Variants in WDFY3 observed in about 807,000 individuals in gnomAD.
WDFY3 encodes WD repeat and FYVE domain-containing protein 3.
WDFY3 carries 66 observed loss-of-function variants against 409.6 expected under a neutral mutation model. The observed-to-expected ratio is 0.16, with a 90% CI of 0.13 to 0.20. WDFY3 has a LOEUF of 0.20. WDFY3 is among the 10% of genes least tolerant of loss of function. The pLI, the probability that WDFY3 is intolerant of heterozygous loss-of-function variation, is 1.00. For missense variants in WDFY3, 3,031 were observed against 4,298.1 expected (o/e 0.71, Z 8.24); for synonymous variants, 1,521 against 1,537.1 (o/e 0.99, Z 0.25).
chr4:84,673,952 C>T (rs1226379682), intron 67 of WDFY3, among the ~76,000 whole-genome samples: 1 of 151,962 alleles, frequency 6.6e-6, no homozygotes, highest in Non-Finnish European at 1.5e-5. Flanking sequence ...CATTAATCTA[C>T]CAGTAAAAAT....
chr4:84,893,381 C>G (rs1391225966), intron 3 of WDFY3, among the ~76,000 whole-genome samples: 1 of 152,204 alleles, frequency 6.6e-6, no homozygotes, highest in Admixed American at 6.5e-5. Context: ...TGTTTGGCAG[C>G]TCTTCTCATA....
At chr4:84,832,830 T>C (rs1048238248) in intron 7 of WDFY3, among the ~76,000 whole-genome samples, 1 of 152,146 alleles carries the variant, frequency 6.6e-6, no homozygotes, top group African/African-American at 2.4e-5. Context: ...AAGTCAACAT[T>C]TTATTTTTCT....
intron 4 of WDFY3, 95 bp from the exon 5 acceptor site, chr4:84,850,120 C>A (rs570809362): frequency 4.4e-6 from 6 of 1,370,442 alleles, no homozygotes; most frequent in Non-Finnish European, 2.0e-6. Flanking sequence ...AAAATCAAGT[C>A]CAGAAAAGTC....
chr4:84,677,792 G>A (rs759364339), intron 66 of WDFY3, among the ~76,000 whole-genome samples: 4 of 151,426 alleles, frequency 2.6e-5, no homozygotes, highest in Non-Finnish European at 2.9e-5. Context: ...GTAAAACCCC[G>A]TCTCTATAAA....
Position 84,850,926 on chromosome 4 carries a change from C to CTTTTTTT in WDFY3, c.181-902_181-901insAAAAAAA, listed in dbSNP as rs781440189. 4.2e-3 allele frequency among the ~76,000 whole-genome samples: 135 copies of CTTTTTTT among 32,146 alleles called. 12 individuals are homozygous for CTTTTTTT. The highest frequency in any genetic ancestry group is 5.6e-3 in the Admixed American group (15 of 2,700). 21.1% of individuals were successfully genotyped at this position (32,146 alleles called of 152,430 possible). On this transcript the variant is annotated intron_variant, in intron 4 of 67. Coordinates refer to ENST00000295888, the MANE Select transcript of WDFY3 (RefSeq NM_014991.6). ...AATTCTTATTTTTAATTTTATTTAT[C>CTTTTTTT]TGTTTTTTTTTTTTTTTTTTTTTTT...
At chr4:84,836,210 C>T (rs1756547060) in intron 7 of WDFY3, among the ~76,000 whole-genome samples, 1 of 152,166 alleles carries the variant, frequency 6.6e-6, no homozygotes, top group African/African-American at 2.4e-5. Flanking sequence ...TTCTGTTCCA[C>T]CTGTATGACT....
intron 17 of WDFY3, among the ~76,000 whole-genome samples, chr4:84,800,315 T>C (rs1484374244): frequency 3.9e-5 from 6 of 152,214 alleles, no homozygotes; most frequent in Non-Finnish European, 7.3e-5. Context: ...TAATAAGTTA[T>C]GTAACAGCAG....
chr4:84,695,218 A>G (rs960887816), intron 58 of WDFY3, among the ~76,000 whole-genome samples: 10 of 152,096 alleles, frequency 6.6e-5, no homozygotes, highest in Non-Finnish European at 1.3e-4. Context: ...TGAACATGAA[A>G]CAGGCCTACA....
chr4:84,866,445 C>A (rs1393556430), intron 3 of WDFY3, among the ~76,000 whole-genome samples: 1 of 152,188 alleles, frequency 6.6e-6, no homozygotes, highest in Non-Finnish European at 1.5e-5. Context: ...TCTCCCCAGG[C>A]CAGAGTAGCA....
chr4:84,764,174 T>C (rs1434017218), intron 32 of WDFY3, among the ~76,000 whole-genome samples: 3 of 152,264 alleles, frequency 2.0e-5, no homozygotes, highest in African/African-American at 7.2e-5. Context: ...TTACTACTGC[T>C]GCTGTTGGCC....
In WDFY3 at chr4:84,804,511, G is replaced by A. The variant is rs188710942; in HGVS notation, c.2430-1044C>T. Among the ~76,000 whole-genome samples the A allele has an allele frequency of 7.2e-5, 11 of 152,190 alleles. No homozygotes were observed. In the East Asian group the frequency reaches 2.1e-3, roughly 29 times the overall value. ...GCTTTACTTATAAAAAGGCACACAG[G>A]CTCTCCTAGTTTATTTAAAAGGCAG... On this transcript the variant is annotated intron_variant, in intron 15 of 67. Transcript: ENST00000295888.
chr4:84,818,882 C>T (rs544406195), intron 12 of WDFY3, among the ~76,000 whole-genome samples: 5 of 152,186 alleles, frequency 3.3e-5, no homozygotes, highest in Admixed American at 6.5e-5. Context: ...AGTAAGCTCT[C>T]CAATTGTCCA....
In WDFY3 at chr4:84,718,622, AT is replaced by A. The variant is rs757891636; in HGVS notation, c.7606-53del. The A allele has an allele frequency of 1.0e-4, 163 of 1,579,872 alleles. No homozygotes were observed. In the Admixed American group the frequency reaches 1.1e-3, roughly 10 times the overall value. ...TAATATAGGCTTTTTGTAAAGATCA[AT>A]TTTTGTTAGACTACTACGGCATCCC... is the stretch of plus-strand genomic sequence containing the variant. On this transcript the variant is annotated intron_variant, in intron 47 of 67. Transcript: ENST00000295888.
chr4:84,770,446 T>G (rs1744478512), intron 30 of WDFY3, among the ~76,000 whole-genome samples: 2 of 152,336 alleles, frequency 1.3e-5, no homozygotes, highest in South Asian at 4.1e-4. Context: ...CTCACTTTAT[T>G]GTGATGTTAG....
At chr4:84,727,459 TTACCATCCCAG>T (rs1044071918) in intron 44 of WDFY3, among the ~76,000 whole-genome samples, 1 of 152,112 alleles carries the variant, frequency 6.6e-6, no homozygotes, top group Non-Finnish European at 1.5e-5. Flanking sequence ...TTCACTACCT[TTACCATCCCAG>T]AAAGGGTGAA....
At chr4:84,737,872 A>G (rs1023266933) in intron 40 of WDFY3, among the ~76,000 whole-genome samples, 2 of 152,132 alleles carry the variant, frequency 1.3e-5, no homozygotes, top group Non-Finnish European at 2.9e-5. Context: ...AGGGCCTGTG[A>G]TAACAAGCTG....
chr4:84,718,935 A>G (rs1038856347), intron 47 of WDFY3, among the ~76,000 whole-genome samples: 1 of 152,186 alleles, frequency 6.6e-6, no homozygotes, highest in Non-Finnish European at 1.5e-5. Context: ...ATGTAAGGAG[A>G]TTAGAATAGG....
chr4:84,896,733 C>T (rs1294557110), intron 3 of WDFY3, among the ~76,000 whole-genome samples, 178 bp downstream of exon 3: 1 of 152,142 alleles, frequency 6.6e-6, no homozygotes, highest in East Asian at 1.9e-4. Flanking sequence ...TCTCAAGATA[C>T]ATTTTCTATT....
chr4:84,689,526 C>T (rs1409285588), intron 61 of WDFY3, among the ~76,000 whole-genome samples: 1 of 152,204 alleles, frequency 6.6e-6, no homozygotes, highest in Non-Finnish European at 1.5e-5. Context: ...GACCCAGCAA[C>T]TCTGTGAAGT....
Sources: gnomAD v4.1 joint callset for allele counts (sites outside exome capture counted in the v4.1 genomes callset) on GRCh38, gnomAD v4.1.1 for gene constraint, MANE v1.5 for transcripts, NCBI Gene and HGNC (gene_info 2026-07-23, HGNC 2026-07-21) for gene names.